The following PTPRD variants were observed in gnomAD, a reference collection of about 807,000 sequenced individuals.
The protein encoded by PTPRD is receptor-type tyrosine-protein phosphatase delta.
PTPRD carries 34 observed loss-of-function variants against 214.5 expected under a neutral mutation model. That is an observed-to-expected ratio of 0.16 (90% CI 0.12 to 0.21). The LOEUF is 0.21. PTPRD is among the 10% of genes least tolerant of loss of function. PTPRD has a pLI of 1.00. For missense variants in PTPRD, 2,545 were observed against 2,398.7 expected, an observed-to-expected ratio of 1.06 and a Z score of -1.27; for synonymous variants, 1,128 against 845.7, an observed-to-expected ratio of 1.33 and a Z score of -5.79.
chr9:10,060,052 T>C (rs190203347), intron 3 of PTPRD, among the ~76,000 whole-genome samples: 185 of 152,166 alleles, frequency 1.2e-3, no homozygotes, highest in Non-Finnish European at 2.9e-4. Context: ...ATGCTTCCGA[T>C]ATTCTATTTC....
At chr9:9,422,748 C>G (rs148662695) in intron 8 of PTPRD, among the ~76,000 whole-genome samples, 2 of 152,032 alleles carry the variant, frequency 1.3e-5, no homozygotes, top group African/African-American at 2.4e-5. Context: ...GGATTGAGAT[C>G]CTGACGAGAG....
chr9:9,591,377 A>G (rs763979530), intron 7 of PTPRD, among the ~76,000 whole-genome samples: 1 of 152,014 alleles, frequency 6.6e-6, no homozygotes, highest in East Asian at 1.9e-4. Flanking sequence ...GATTAAGGCC[A>G]GCAAACTGTG....
intron 10 of PTPRD, among the ~76,000 whole-genome samples, chr9:9,136,325 G>A (rs1395056898): frequency 6.6e-6 from 1 of 152,030 alleles, no homozygotes; most frequent in African/African-American, 2.4e-5. Context: ...ATTATAAGGT[G>A]TTGGTAGCAT....
intron 8 of PTPRD, among the ~76,000 whole-genome samples, chr9:9,425,372 ATT>A (rs1248940620): frequency 1.6e-5 from 2 of 122,244 alleles, no homozygotes; most frequent in African/African-American, 6.2e-5. Context: ...TAAAATATAT[ATT>A]ATAATATCTT....
chr9:10,032,442 T>A (rs1008431765), intron 4 of PTPRD, among the ~76,000 whole-genome samples: 3 of 152,182 alleles, frequency 2.0e-5, no homozygotes, highest in Non-Finnish European at 2.9e-5. Flanking sequence ...TGTTTGACTC[T>A]TCAATTCTCT....
At chr9:9,461,471 GTAGA>G (rs903941757) in intron 8 of PTPRD, among the ~76,000 whole-genome samples, 1 of 152,026 alleles carries the variant, frequency 6.6e-6, no homozygotes, top group African/African-American at 2.4e-5. Context: ...TGGAATTAGA[GTAGA>G]TAAAGAAATG....
In PTPRD at chr9:10,395,954, T is replaced by TGAGAGAGAGAGAGAGAGAGAGAGAGA. The variant is rs368100918; in HGVS notation, c.-599-54963_-599-54938dup. Among the ~76,000 whole-genome samples, 235 of 134,336 alleles carry TGAGAGAGAGAGAGAGAGAGAGAGAGA rather than the reference T, an allele frequency of 1.7e-3. 5 individuals carry two copies. The highest frequency in any genetic ancestry group is 0.014 in the South Asian group (53 of 3,840). The allele number at this position is 134,336 out of a possible 152,430, so 88.1% of individuals were successfully genotyped here. A position where few individuals can be genotyped will look rare whatever the true frequency, so the allele number is the denominator to read the frequency against. The stretch of plus-strand genomic sequence containing the variant: ...AAGCCACAGAGGGACATAGAGAGAA[T>TGAGAGAGAGAGAGAGAGAGAGAGAGA]GAGAGAGAGAGAGAGAGAGAGAGAG... On this transcript the variant is annotated intron_variant, in intron 2 of 45. Coordinates refer to ENST00000381196, the MANE Select transcript of PTPRD (RefSeq NM_002839.4).
At chr9:10,318,150 C>G (rs2096481279) in intron 3 of PTPRD, among the ~76,000 whole-genome samples, 1 of 151,966 alleles carries the variant, frequency 6.6e-6, no homozygotes, top group Non-Finnish European at 1.5e-5. Flanking sequence ...AATATGGAGG[C>G]TTGCTCTTCC....
At chr9:8,320,657 A>AAAAAAAATGGTTAAGAGCCATTG (rs1554667346) in intron 44 of PTPRD, among the ~76,000 whole-genome samples, 6 of 151,832 alleles carry the variant, frequency 4.0e-5, no homozygotes, top group Non-Finnish European at 8.8e-5. Flanking sequence ...CTAATCTTAA[A>AAAAAAAATGGTTAAGAGCCATTG]AAAAAATGGT....
At chr9:8,840,780 T>C (rs921973277) in intron 11 of PTPRD, among the ~76,000 whole-genome samples, 1 of 152,178 alleles carries the variant, frequency 6.6e-6, no homozygotes, top group Non-Finnish European at 1.5e-5. Context: ...CATAATTAAA[T>C]GATTGAAAAT....
intron 6 of PTPRD, among the ~76,000 whole-genome samples, chr9:9,741,005 G>C (rs2098393536): frequency 6.6e-6 from 1 of 152,180 alleles, no homozygotes; most frequent in Non-Finnish European, 1.5e-5. Context: ...CGATTTGAGA[G>C]ACTTGATAAT....
intron 7 of PTPRD, among the ~76,000 whole-genome samples, chr9:9,698,401 A>C (rs2097423710): frequency 6.6e-6 from 1 of 152,172 alleles, no homozygotes. Context: ...GGCTTTAGTG[A>C]AATTCAGTGT....
intron 3 of PTPRD, among the ~76,000 whole-genome samples, chr9:10,235,480 T>A (rs1193723859): frequency 3.3e-5 from 5 of 151,970 alleles, no homozygotes; most frequent in African/African-American, 1.2e-4. Flanking sequence ...GGCTATGGTA[T>A]CCCACTTAAC....
At chr9:10,205,160 T>C (rs937671754) in intron 3 of PTPRD, among the ~76,000 whole-genome samples, 2 of 152,060 alleles carry the variant, frequency 1.3e-5, no homozygotes, top group Non-Finnish European at 2.9e-5. Flanking sequence ...TTATCAAGTT[T>C]ATAATATGTT....
chr9:10,571,942 C>G (rs530495253), intron 2 of PTPRD, among the ~76,000 whole-genome samples: 6 of 152,288 alleles, frequency 3.9e-5, no homozygotes, highest in Non-Finnish European at 7.4e-5. Flanking sequence ...CCATTCCTAA[C>G]AGGTCACAGA....
rs536647597 is a variant in PTPRD at position 9,900,142 on chromosome 9, A to G, written c.-368+38365T>C. ...ACAGCTGCATTAAGTTCTTCCCTGAAAACACTCCTTCCTTCCCTACCACAT... is the reference window on the plus strand; with the variant it reads ...ACAGCTGCATTAAGTTCTTCCCTGAGAACACTCCTTCCTTCCCTACCACAT... On this transcript the variant is annotated intron_variant, in intron 5 of 45. Coordinates refer to ENST00000381196, the MANE Select transcript of PTPRD (RefSeq NM_002839.4). 1.7e-4 allele frequency among the ~76,000 whole-genome samples: 26 copies of G among 152,266 alleles called. No individual in the cohort carries two copies. The South Asian group carries it at 5.0e-3, about 29-fold the overall frequency.
intron 5 of PTPRD, among the ~76,000 whole-genome samples, chr9:9,864,742 G>A (rs1373293462): frequency 1.3e-5 from 2 of 151,974 alleles, no homozygotes; most frequent in African/African-American, 2.4e-5. Flanking sequence ...TTGAACTGCT[G>A]GGCTCAAGCA....
intron 3 of PTPRD, among the ~76,000 whole-genome samples, chr9:10,234,524 A>T (rs2099622707): frequency 6.6e-6 from 1 of 151,990 alleles, no homozygotes; most frequent in South Asian, 2.1e-4. Flanking sequence ...TGGTATATGG[A>T]ATTATCAAAG....
Position 9,337,753 on chromosome 9 carries a change from C to G in PTPRD, c.-203+59696G>C, listed in dbSNP as rs1191579991. ...CGGCAAAAGGCTTGCTGGACAATGA[C>G]CCTTTTCATTTAAATTGTTCTCTTG... On this transcript the variant is annotated intron_variant, in intron 9 of 45. Transcript: ENST00000381196. 8.5e-5 allele frequency among the ~76,000 whole-genome samples: 13 copies of G among 152,102 alleles called. No homozygotes were observed. In the East Asian group the frequency reaches 2.5e-3, roughly 29 times the overall value.
Sources: allele counts gnomAD v4.1 joint callset (sites outside exome capture counted in the v4.1 genomes callset), GRCh38; gene constraint gnomAD v4.1.1; transcripts MANE v1.5; gene names NCBI Gene and HGNC (gene_info 2026-07-23, HGNC 2026-07-21).